Variants in SLC9D1 observed in about 807,000 individuals in gnomAD.
SLC9D1 encodes the protein putative LAG1-interacting protein.
At chr13:113,498,845 G>A in the SLC9D1 span, among the ~76,000 whole-genome samples, 2 of 152,130 alleles carry the variant, frequency 1.3e-5, no homozygotes, top group Admixed American at 6.5e-5. Context: ...GATCTACTGG[G>A]GTGTTACCAG....
chr13:113,536,857 G>A, the SLC9D1 span, among the ~76,000 whole-genome samples: 1 of 152,250 alleles, frequency 6.6e-6, no homozygotes, highest in Non-Finnish European at 1.5e-5. Context: ...CAGGGCCACA[G>A]TAAACAGGAG....
At chr13:113,520,640 T>A in the SLC9D1 span, 1 of 1,613,890 alleles carries the variant, frequency 6.2e-7, no homozygotes, top group Non-Finnish European at 8.5e-7. Context: ...AGCACCGTGC[T>A]CCTCGGCATG....
the SLC9D1 span, chr13:113,539,368 G>A: frequency 2.5e-6 from 4 of 1,612,670 alleles, no homozygotes; most frequent in Middle Eastern, 1.6e-4. This position sits in a 1 kb window ranked among gnomAD's most constrained non-coding sequence, Gnocchi z 4.8. Flanking sequence ...TCACGGAGCT[G>A]CTGGACGTCT....
chr13:113,548,463 T>C, the SLC9D1 span: 1 of 1,598,332 alleles, frequency 6.3e-7, no homozygotes, highest in Non-Finnish European at 8.5e-7. Flanking sequence ...GTGAGTGGCT[T>C]CCCCCCGCGG....
the SLC9D1 span, among the ~76,000 whole-genome samples, chr13:113,509,451 T>A: frequency 1.0e-5 from 1 of 96,194 alleles, no homozygotes; most frequent in African/African-American, 5.8e-5. Context: ...TGGAGCTGCC[T>A]ATGTTGGGAC....
At chr13:113,510,238 G>A in the SLC9D1 span, 1 of 1,613,898 alleles carries the variant, frequency 6.2e-7, no homozygotes. Context: ...TCTCTTTAAG[G>A]TGTGGAAGAT....
the SLC9D1 span, among the ~76,000 whole-genome samples, chr13:113,499,417 C>A: frequency 1.1e-4 from 16 of 152,182 alleles, no homozygotes; most frequent in Non-Finnish European, 1.9e-4. Context: ...TTACCCTGCT[C>A]ATATTCAAGA....
chr13:113,522,403 C>T, the SLC9D1 span, among the ~76,000 whole-genome samples: 5 of 152,264 alleles, frequency 3.3e-5, no homozygotes, highest in East Asian at 1.9e-4. Flanking sequence ...TGCAGTGGCA[C>T]GATCTGGGCT....
chr13:113,535,195 GA>G, the SLC9D1 span: 1 of 152,230 alleles, frequency 6.6e-6, no homozygotes, highest in African/African-American at 2.4e-5. The surrounding 1 kb of genome is among the most constrained non-coding windows in gnomAD (Gnocchi z 4.1). Context: ...ATTAAGTTTG[GA>G]AAAACAGTTT....
At chr13:113,508,552 C>T in the SLC9D1 span, among the ~76,000 whole-genome samples, 1 of 152,200 alleles carries the variant, frequency 6.6e-6, no homozygotes, top group Non-Finnish European at 1.5e-5. Context: ...CGACCCTTCC[C>T]CTCCTTGTGG....
At chr13:113,548,493 G>A in the SLC9D1 span, 4 of 1,573,898 alleles carry the variant, frequency 2.5e-6, no homozygotes, top group African/African-American at 1.4e-5. Flanking sequence ...CGGGCGGCAC[G>A]GGCTGCACTC....
chr13:113,515,435 G>A, the SLC9D1 span, among the ~76,000 whole-genome samples: 10 of 152,324 alleles, frequency 6.6e-5, no homozygotes, highest in East Asian at 1.9e-3. Context: ...ATGTGGCCGG[G>A]TGGCTGTGCC....
At chr13:113,516,983 C>T in the SLC9D1 span, among the ~76,000 whole-genome samples, 2 of 152,194 alleles carry the variant, frequency 1.3e-5, no homozygotes, top group African/African-American at 4.8e-5. Flanking sequence ...CCAGAGGCCT[C>T]CGTGGGCAGG....
the SLC9D1 span, chr13:113,548,474 A>G: frequency 1.3e-6 from 2 of 1,588,620 alleles, no homozygotes; most frequent in African/African-American, 1.4e-5. Flanking sequence ...CCCCCCGCGG[A>G]GCGCTTCTCG....
chr13:113,519,923 C>A, the SLC9D1 span, among the ~76,000 whole-genome samples: 1 of 152,352 alleles, frequency 6.6e-6, no homozygotes, highest in South Asian at 2.1e-4. Flanking sequence ...GGGCCTGAGT[C>A]AGGCCTACCT....
chr13:113,512,881 G>A, the SLC9D1 span, among the ~76,000 whole-genome samples: 1 of 149,694 alleles, frequency 6.7e-6, no homozygotes, highest in South Asian at 2.1e-4. Flanking sequence ...TAGATGGAGA[G>A]GGTCAGTATA....
At chr13:113,497,028 C>T in the SLC9D1 span, among the ~76,000 whole-genome samples, 9 of 152,206 alleles carry the variant, frequency 5.9e-5, no homozygotes, top group African/African-American at 1.9e-4. Context: ...TGAGATTCTC[C>T]AGGTGCCGGT....
chr13:113,527,099 C>A, the SLC9D1 span, among the ~76,000 whole-genome samples: 1 of 152,118 alleles, frequency 6.6e-6, no homozygotes, highest in Non-Finnish European at 1.5e-5. Context: ...AGAATGTGTC[C>A]CCATTGTGAA....
chr13:113,495,968 G>T, the SLC9D1 span: 1 of 1,613,682 alleles, frequency 6.2e-7, no homozygotes, highest in South Asian at 1.1e-5. Context: ...AAGATGTCGT[G>T]AACATGAAGG....
Sources: gnomAD v4.1 joint callset for allele counts (sites outside exome capture counted in the v4.1 genomes callset) on GRCh38, gnomAD v4.1.1 for gene constraint, Gnocchi (gnomAD v3.1) non-coding constraint, MANE v1.5 for transcripts, NCBI Gene and HGNC (gene_info 2026-07-23, HGNC 2026-07-21) for gene names.